MSRB3: variants seen among roughly 807,000 people sequenced by gnomAD.
MSRB3 encodes the protein methionine sulfoxide reductase B3.
MSRB3 carries 13 observed loss-of-function variants against 21.0 expected under a neutral mutation model. The ratio of observed to expected loss-of-function variants is 0.62; its 90% CI spans 0.40 to 0.98. MSRB3 has a LOEUF of 0.98. MSRB3 is among the 50% of genes least tolerant of loss of function. The pLI is 0.00. For synonymous variants in MSRB3, 87 were observed against 88.6 expected (o/e 0.98, Z 0.10); for missense variants, 199 against 230.3 (o/e 0.86, Z 0.88).
intron 4 of MSRB3, among the ~76,000 whole-genome samples, chr12:65,337,198 G>C (rs1875824303): frequency 6.6e-6 from 1 of 151,618 alleles, no homozygotes; most frequent in African/African-American, 2.4e-5. Context: ...AGCGGAGATC[G>C]CGCCACAGCA....
At chr12:65,377,533 C>T (rs1182043519) in intron 5 of MSRB3, among the ~76,000 whole-genome samples, 1 of 152,170 alleles carries the variant, frequency 6.6e-6, no homozygotes, top group Admixed American at 6.5e-5. Context: ...CTCCTTATCT[C>T]AAGGTATCCA....
intron 1 of MSRB3, among the ~76,000 whole-genome samples, chr12:65,293,181 A>T (rs1374115375): frequency 1.3e-5 from 2 of 151,952 alleles, no homozygotes; most frequent in African/African-American, 2.4e-5. Flanking sequence ...GTCCTCTTAA[A>T]TTTTTTTTAT....
intron 1 of MSRB3, among the ~76,000 whole-genome samples, chr12:65,287,686 T>C (rs1158414048): frequency 2.0e-5 from 3 of 152,066 alleles, no homozygotes; most frequent in African/African-American, 7.2e-5. Flanking sequence ...GTAGTCCCCC[T>C]TGTTTCTGAT....
At chr12:65,371,093 A>T (rs1431346826) in intron 5 of MSRB3, among the ~76,000 whole-genome samples, 2 of 152,138 alleles carry the variant, frequency 1.3e-5, no homozygotes, top group Admixed American at 6.5e-5. Flanking sequence ...TTTGGGAGGC[A>T]GAGGCAGGCA....
chr12:65,453,794 G>T lies in MSRB3; in HGVS notation c.359G>T (p.Gly120Val). 1 of 1,614,030 alleles carries T rather than the reference G, an allele frequency of 6.2e-7. No homozygotes were observed. Among genetic ancestry groups the T allele is most frequent in the Non-Finnish European group, 8.5e-7 (1 of 1,179,996 alleles). Residue 120 changes from glycine (G) to valine (V), a missense_variant, in exon 6 of 7, where the codon GGG (glycine) becomes GTG (valine). Transcript: ENST00000308259. ...ACATTCACAGATGACTTTTCCTATG[G>T]GATGCACAGGGTGGAAACAAGCTGC... is the stretch of plus-strand genomic sequence containing the variant. Reference protein sequence around the residue: ...AITFTDDFSYGMHRVETSCSQ... With the variant: ...AITFTDDFSYVMHRVETSCSQ...
chr12:65,346,145 C>T (rs988957640), intron 4 of MSRB3, among the ~76,000 whole-genome samples: 6 of 152,212 alleles, frequency 3.9e-5, no homozygotes, highest in Middle Eastern at 3.4e-3. Context: ...TTCTAGATCC[C>T]TGAGGAATCG....
intron 2 of MSRB3, among the ~76,000 whole-genome samples, chr12:65,322,576 G>T (rs563445564): frequency 3.9e-4 from 58 of 148,472 alleles, no homozygotes; most frequent in African/African-American, 1.2e-3. Context: ...CAGGAGAATC[G>T]CTTGAATCCG....
At chr12:65,456,426 G>A (rs191512748) in intron 6 of MSRB3, among the ~76,000 whole-genome samples, 6 of 152,262 alleles carry the variant, frequency 3.9e-5, no homozygotes, top group Admixed American at 3.9e-4. Flanking sequence ...GATAACATCA[G>A]TAGTAGTCTA....
chr12:65,387,561 G>T (rs916056287), intron 5 of MSRB3, among the ~76,000 whole-genome samples: 3 of 152,016 alleles, frequency 2.0e-5, no homozygotes, highest in African/African-American at 7.3e-5. Flanking sequence ...CTTTGGTGAG[G>T]CTGGAAATAA....
intron 1 of MSRB3, among the ~76,000 whole-genome samples, chr12:65,300,888 A>G (rs1385107471): frequency 6.6e-6 from 1 of 152,152 alleles, no homozygotes; most frequent in Non-Finnish European, 1.5e-5. Flanking sequence ...AGCAATACAC[A>G]TAATCATTTC....
At chr12:65,456,620 T>G (rs1288039887) in intron 6 of MSRB3, among the ~76,000 whole-genome samples, 1 of 152,280 alleles carries the variant, frequency 6.6e-6, no homozygotes, top group African/African-American at 2.4e-5. Flanking sequence ...GAACCAACAC[T>G]GACCTGCTCC....
intron 5 of MSRB3, among the ~76,000 whole-genome samples, chr12:65,401,141 C>T (rs1172407587): frequency 6.6e-6 from 1 of 152,144 alleles, no homozygotes; most frequent in Non-Finnish European, 1.5e-5. Context: ...TGGTCCAGAG[C>T]TGAGTTCAAG....
Position 65,453,783 on chromosome 12 carries a change from CTT to C in MSRB3, c.351_352del (p.Ser118LeufsTer22). 1 of 1,614,110 alleles carries C rather than the reference CTT, an allele frequency of 6.2e-7. No homozygotes were observed. Among genetic ancestry groups the C allele is most frequent in the Non-Finnish European group, 8.5e-7 (1 of 1,180,020 alleles). On this transcript the variant is annotated frameshift_variant, in exon 6 of 7. Coordinates refer to ENST00000308259, the MANE Select transcript of MSRB3 (RefSeq NM_001031679.3). LOFTEE classifies it high-confidence loss of function. ...NSEAITFTDD[F>X]SYGMHRVETS... ...CTGAGGCAATCACATTCACAGATGACTTTTCCTATGGGATGCACAGGGTGGAA... is the reference window on the plus strand; with the variant it reads ...CTGAGGCAATCACATTCACAGATGACTTCCTATGGGATGCACAGGGTGGAA...
At chr12:65,439,902 AT>A (rs1251195899) in intron 5 of MSRB3, among the ~76,000 whole-genome samples, 1 of 151,810 alleles carries the variant, frequency 6.6e-6, no homozygotes, top group African/African-American at 2.4e-5. Context: ...AGAAATATTT[AT>A]GATATTTACA....
intron 4 of MSRB3, among the ~76,000 whole-genome samples, chr12:65,346,947 C>T (rs1283078092): frequency 6.6e-6 from 1 of 152,086 alleles, no homozygotes; most frequent in African/African-American, 2.4e-5. Flanking sequence ...TGGTCTATAT[C>T]TCTGTTTTGG....
chr12:65,402,990 G>C (rs1045825720), intron 5 of MSRB3, among the ~76,000 whole-genome samples: 9 of 152,216 alleles, frequency 5.9e-5, no homozygotes, highest in Admixed American at 1.3e-4. Flanking sequence ...TCATCCCAGA[G>C]GGGCACTCGC....
intron 1 of MSRB3, among the ~76,000 whole-genome samples, chr12:65,290,462 G>A (rs1036171937): frequency 2.0e-5 from 3 of 152,106 alleles, no homozygotes; most frequent in Non-Finnish European, 4.4e-5. Context: ...AAAGAGAATG[G>A]CCCTAGTGTG....
chr12:65,368,303 C>A (rs1878128388), intron 4 of MSRB3, among the ~76,000 whole-genome samples: 1 of 152,120 alleles, frequency 6.6e-6, no homozygotes, highest in African/African-American at 2.4e-5. Flanking sequence ...GGAGCATGCC[C>A]ACTAATTGGT....
At chr12:65,438,918 A>T (rs907151386) in intron 5 of MSRB3, among the ~76,000 whole-genome samples, 11 of 151,918 alleles carry the variant, frequency 7.2e-5, no homozygotes, top group Non-Finnish European at 5.9e-5. Flanking sequence ...CAAGCACAAC[A>T]TAAAATGGAC....
Sources: allele counts gnomAD v4.1 joint callset (sites outside exome capture counted in the v4.1 genomes callset), GRCh38; gene constraint gnomAD v4.1.1; transcripts MANE v1.5; gene names NCBI Gene and HGNC (gene_info 2026-07-23, HGNC 2026-07-21).